RBMS3: variants seen among roughly 807,000 people sequenced by gnomAD.
RBMS3 encodes RNA-binding motif, single-stranded-interacting protein 3.
A neutral mutation model predicts 66.8 loss-of-function variants in RBMS3; 27 were observed. The observed-to-expected ratio is 0.40, with a 90% CI of 0.30 to 0.56. The LOEUF (loss-of-function observed/expected upper bound fraction) is 0.56. Among genes scored for constraint, RBMS3 ranks in the 20% least tolerant of loss-of-function variants. The pLI is 0.40. For missense variants in RBMS3, 513 were observed against 549.5 expected, an observed-to-expected ratio of 0.93 and a Z score of 0.66; for synonymous variants, 188 against 183.0, an observed-to-expected ratio of 1.03 and a Z score of -0.22.
intron 10 of RBMS3, among the ~76,000 whole-genome samples, chr3:29,922,350 G>T (rs1248312036): frequency 2.0e-5 from 3 of 151,500 alleles, no homozygotes; most frequent in Non-Finnish European, 2.9e-5. Context: ...AGCCGGGCGC[G>T]GTGGCGGGCG....
rs182916970 is a variant in RBMS3, at chr3:29,714,483, T to C, written c.400-25237T>C. Among the ~76,000 whole-genome samples the C allele has an allele frequency of 3.1e-3, 467 of 152,186 alleles. 3 individuals are homozygous for C. Among genetic ancestry groups the C allele is most frequent in the African/African-American group, 0.01 (423 of 41,544 alleles). ...GAATAGACAGCCACGTATGTGAGTC[T>C]GGAGACAAGGAAAAGGACAGGATTG... is the stretch of plus-strand genomic sequence containing the variant. On this transcript the variant is annotated intron_variant, in intron 4 of 14. Transcript: ENST00000383767.
intron 6 of RBMS3, among the ~76,000 whole-genome samples, chr3:29,764,933 T>A (rs1487914826): frequency 6.6e-6 from 1 of 152,060 alleles, no homozygotes; most frequent in Non-Finnish European, 1.5e-5. Context: ...AATAATTATG[T>A]TCAGTTATAA....
chr3:29,525,557 A>G (rs886573280), intron 3 of RBMS3, among the ~76,000 whole-genome samples: 1 of 152,228 alleles, frequency 6.6e-6, no homozygotes, highest in Non-Finnish European at 1.5e-5. Flanking sequence ...CTCAGATGCC[A>G]GTTCTCTTTC....
intron 4 of RBMS3, among the ~76,000 whole-genome samples, chr3:29,613,881 A>C (rs2048571195): frequency 6.6e-6 from 1 of 152,160 alleles, no homozygotes; most frequent in African/African-American, 2.4e-5. Context: ...ACTGGTAGAA[A>C]AGTAAATTAG....
rs778202773 is a variant in RBMS3 at position 29,921,779 on chromosome 3, TA to T, written c.940-14306del. 3.9e-5 allele frequency among the ~76,000 whole-genome samples: 6 copies of T among 152,356 alleles called. 1 individual carries two copies. In the South Asian group the frequency reaches 1.2e-3, roughly 32 times the overall value. ...TAAGATAACAATTGAGCCATGTTTT[TA>T]GATGCAATCCGGTGTGTCTACAAGC... On this transcript the variant is annotated intron_variant, in intron 10 of 14. Coordinates refer to ENST00000383767, the MANE Select transcript of RBMS3 (RefSeq NM_001003793.3).
chr3:29,320,500 C>T (rs1339819391), intron 1 of RBMS3, among the ~76,000 whole-genome samples: 2 of 151,980 alleles, frequency 1.3e-5, no homozygotes, highest in African/African-American at 4.8e-5. Context: ...GAAATTCATA[C>T]TATCACAGAG....
At position 29,623,663 on chromosome 3, in the gene RBMS3, C is replaced by A. The variant is rs559398320; in HGVS notation, c.399+36458C>A. On this transcript the variant is annotated intron_variant, in intron 4 of 14. Transcript: ENST00000383767. ...CTTCCAACAATGACATTTTGAGTTA[C>A]ACAAACAATTCATTTTTAAAAGATT... Among the ~76,000 whole-genome samples, 14 of 150,214 alleles carry A rather than the reference C, an allele frequency of 9.3e-5. No homozygotes were observed. In the South Asian group the frequency reaches 2.7e-3, roughly 29 times the overall value.
chr3:29,959,542 A>G (rs908869744), intron 12 of RBMS3, among the ~76,000 whole-genome samples: 1 of 152,174 alleles, frequency 6.6e-6, no homozygotes, highest in Non-Finnish European at 1.5e-5. Context: ...GCAAATCACA[A>G]ACATTGGCTG....
chr3:29,466,702 G>C (rs1295657023), intron 2 of RBMS3, among the ~76,000 whole-genome samples: 1 of 152,112 alleles, frequency 6.6e-6, no homozygotes, highest in Non-Finnish European at 1.5e-5. Flanking sequence ...AGGCTGAACG[G>C]CATGTCAAAC....
intron 1 of RBMS3, among the ~76,000 whole-genome samples, chr3:29,417,996 A>G (rs919529790): frequency 6.6e-6 from 1 of 152,196 alleles, no homozygotes; most frequent in East Asian, 1.9e-4. Context: ...TTAAGCTTGT[A>G]TAATAGGCAA....
chr3:29,490,949 C>A (rs1022581676), intron 3 of RBMS3, among the ~76,000 whole-genome samples: 18 of 152,196 alleles, frequency 1.2e-4, no homozygotes, highest in Admixed American at 1.2e-3. Flanking sequence ...CACCTGGAAA[C>A]CTCAATAGAT....
At position 29,715,587 on chromosome 3, in the gene RBMS3, G is replaced by A. The variant is rs187972074; in HGVS notation, c.400-24133G>A. On this transcript the variant is annotated intron_variant, in intron 4 of 14. Transcript: ENST00000383767. ...TTTAAGAGTGAATTCTATTGACAGC[G>A]TCTTCCCTTGGAGAACTCCCTTGTA... Among the ~76,000 whole-genome samples, 57 of 152,144 alleles carry A rather than the reference G, an allele frequency of 3.7e-4. 1 individual carries two copies. Among genetic ancestry groups the A allele is most frequent in the Admixed American group, 1.8e-3 (27 of 15,274 alleles).
At chr3:29,533,742 A>C (rs1187078323) in intron 3 of RBMS3, among the ~76,000 whole-genome samples, 1 of 152,154 alleles carries the variant, frequency 6.6e-6, no homozygotes, top group Non-Finnish European at 1.5e-5. Context: ...GCACCACTGC[A>C]CTCCAGCCTG....
intron 1 of RBMS3, among the ~76,000 whole-genome samples, chr3:29,337,372 C>T (rs991055665): frequency 6.6e-6 from 1 of 152,040 alleles, no homozygotes; most frequent in Non-Finnish European, 1.5e-5. Flanking sequence ...GATGCAGTGG[C>T]TCAAGCCTAT....
intron 3 of RBMS3, among the ~76,000 whole-genome samples, chr3:29,525,575 G>A (rs1205674570): frequency 6.6e-6 from 1 of 152,076 alleles, no homozygotes; most frequent in African/African-American, 2.4e-5. Flanking sequence ...TTCCTTTTTG[G>A]GTTTCCTTGA....
intron 4 of RBMS3, among the ~76,000 whole-genome samples, chr3:29,646,849 G>A (rs1265189596): frequency 6.6e-6 from 1 of 152,080 alleles, no homozygotes; most frequent in African/African-American, 2.4e-5. Context: ...CACGTGATTT[G>A]GGTAAAGTGG....
chr3:29,696,972 CT>C lies in RBMS3; in HGVS notation c.400-42747del, dbSNP rs1019930018. ...TAATTTTTAATTTTTGTAGGTACCC[CT>C]AGTAGTTGTGATTTCTCCAAAACTT... On this transcript the variant is annotated intron_variant, in intron 4 of 14. Transcript: ENST00000383767. The C allele has an allele frequency of 3.0e-6, 3 of 984,740 alleles. No homozygotes were observed. The African/African-American group carries it at 5.3e-5, about 17-fold the overall frequency. 61.0% of individuals were successfully genotyped at this position (984,740 alleles called of 1,614,324 possible).
At chr3:29,780,289 G>A (rs1372929872) in intron 6 of RBMS3, among the ~76,000 whole-genome samples, 1 of 149,608 alleles carries the variant, frequency 6.7e-6, no homozygotes, top group East Asian at 2.0e-4. Flanking sequence ...ATTTGAAACT[G>A]CTTGAGTTAA....
At chr3:29,900,301 T>C (rs183384998) in intron 10 of RBMS3, among the ~76,000 whole-genome samples, 39 of 151,894 alleles carry the variant, frequency 2.6e-4, no homozygotes, top group Admixed American at 1.6e-3. Flanking sequence ...TATAGATAGA[T>C]GGCAAGGTGT....
Sources: allele counts gnomAD v4.1 joint callset (sites outside exome capture counted in the v4.1 genomes callset), GRCh38; gene constraint gnomAD v4.1.1; transcripts MANE v1.5; gene names NCBI Gene and HGNC (gene_info 2026-07-23, HGNC 2026-07-21).